The following ARNT2 variants were observed in gnomAD, a reference collection of about 807,000 sequenced individuals.
ARNT2 encodes ARNT protein 2.
In ARNT2, 36 loss-of-function variants were observed where a neutral mutation model predicts 91.7. The observed-to-expected ratio is 0.39, with a 90% CI of 0.30 to 0.52. ARNT2 has a LOEUF of 0.52. Among genes scored for constraint, ARNT2 ranks in the 20% least tolerant of loss-of-function variants. The pLI, the probability that ARNT2 is intolerant of heterozygous loss-of-function variation, is 0.72. For synonymous variants in ARNT2, 365 were observed against 347.1 expected (o/e 1.05, Z -0.57); for missense variants, 775 against 939.3 (o/e 0.83, Z 2.29).
intron 9 of ARNT2, among the ~76,000 whole-genome samples, chr15:80,552,085 T>C (rs1201138028): frequency 1.3e-5 from 2 of 152,208 alleles, no homozygotes; most frequent in East Asian, 3.8e-4. Flanking sequence ...AGAGACATAC[T>C]AGACCTGGTT....
intron 1 of ARNT2, among the ~76,000 whole-genome samples, chr15:80,425,215 T>C (rs1895916425): frequency 6.6e-6 from 1 of 152,192 alleles, no homozygotes; most frequent in Non-Finnish European, 1.5e-5. Flanking sequence ...AGAATACCCT[T>C]TGGAGGATCC....
intron 12 of ARNT2, among the ~76,000 whole-genome samples, chr15:80,571,414 T>C (rs1001909802): frequency 6.6e-6 from 1 of 152,226 alleles, no homozygotes; most frequent in Non-Finnish European, 1.5e-5. Flanking sequence ...TGAGAAAATC[T>C]AGTCTTGCTC....
intron 3 of ARNT2, among the ~76,000 whole-genome samples, chr15:80,467,054 C>T (rs1027928195): frequency 1.7e-4 from 26 of 152,172 alleles, no homozygotes; most frequent in African/African-American, 5.8e-4. Flanking sequence ...AGCAAGTGTG[C>T]GTCAGCCCTG....
intron 1 of ARNT2, among the ~76,000 whole-genome samples, chr15:80,439,247 G>A (rs1896147648): frequency 6.6e-6 from 1 of 152,120 alleles, no homozygotes; most frequent in African/African-American, 2.4e-5. Flanking sequence ...AAGTTCATGT[G>A]GCATGGCTTA....
intron 1 of ARNT2, among the ~76,000 whole-genome samples, chr15:80,431,664 G>A (rs1361292304): frequency 6.6e-6 from 1 of 152,202 alleles, no homozygotes; most frequent in Non-Finnish European, 1.5e-5. Context: ...TGGACCTCCT[G>A]GGCAGGCCCC....
intron 5 of ARNT2, among the ~76,000 whole-genome samples, chr15:80,507,091 A>G (rs1413702963): frequency 1.3e-5 from 2 of 152,194 alleles, no homozygotes; most frequent in Non-Finnish European, 2.9e-5. Context: ...AGATGCAGAG[A>G]GAGGATAAGA....
intron 8 of ARNT2, among the ~76,000 whole-genome samples, chr15:80,533,631 G>A (rs1897776946): frequency 6.6e-6 from 1 of 152,256 alleles, no homozygotes; most frequent in Admixed American, 6.5e-5. Flanking sequence ...CATGGTTTCT[G>A]TGAATTTTTT....
At chr15:80,445,681 C>T (rs941929933) in intron 1 of ARNT2, among the ~76,000 whole-genome samples, 2 of 151,904 alleles carry the variant, frequency 1.3e-5, no homozygotes, top group Non-Finnish European at 2.9e-5. Context: ...CGAGTGGGGT[C>T]TGCACTCCCT....
At chr15:80,590,202 A>C (rs2141488080) in intron 17 of ARNT2, among the ~76,000 whole-genome samples, 1 of 152,290 alleles carries the variant, frequency 6.6e-6, no homozygotes, top group South Asian at 2.1e-4. Context: ...TGGAAAGAGT[A>C]GTATGGGACA....
At chr15:80,445,761 G>A (rs1008372152) in intron 1 of ARNT2, among the ~76,000 whole-genome samples, 3 of 151,972 alleles carry the variant, frequency 2.0e-5, no homozygotes, top group Admixed American at 6.5e-5. Context: ...ACTGGAGGTC[G>A]GAACAGATGG....
At chr15:80,528,595 G>T (rs1041387821) in intron 8 of ARNT2, among the ~76,000 whole-genome samples, 1 of 152,122 alleles carries the variant, frequency 6.6e-6, no homozygotes, top group African/African-American at 2.4e-5. Flanking sequence ...TGGGTCATGG[G>T]AGTGGACCGC....
chr15:80,458,904 C>T (rs1474917715), intron 3 of ARNT2, among the ~76,000 whole-genome samples: 1 of 152,164 alleles, frequency 6.6e-6, no homozygotes, highest in Non-Finnish European at 1.5e-5. Context: ...TATCCATGCT[C>T]CATAGTTTGG....
At chr15:80,452,628 A>G (rs61577817) in intron 2 of ARNT2, among the ~76,000 whole-genome samples, 2,175 of 152,310 alleles carry the variant, frequency 0.014, 50 homozygotes, top group African/African-American at 0.049. Context: ...TGCTTGCCCA[A>G]GTCCTTTTCC....
intron 2 of ARNT2, among the ~76,000 whole-genome samples, chr15:80,453,440 T>C (rs543220464): frequency 6.6e-6 from 1 of 152,358 alleles, no homozygotes; most frequent in East Asian, 1.9e-4. Context: ...AGATGTATCC[T>C]GTGTCTAAGC....
At chr15:80,447,752 T>C (rs1896327361) in intron 1 of ARNT2, among the ~76,000 whole-genome samples, 1 of 152,230 alleles carries the variant, frequency 6.6e-6, no homozygotes, top group African/African-American at 2.4e-5. Flanking sequence ...TCACTTTTGT[T>C]TGAATTTATT....
chr15:80,431,631 C>T (rs2141569410), intron 1 of ARNT2, among the ~76,000 whole-genome samples: 1 of 152,314 alleles, frequency 6.6e-6, no homozygotes, highest in South Asian at 2.1e-4. Context: ...CCACCTTCCT[C>T]TCGTGATTGT....
intron 8 of ARNT2, among the ~76,000 whole-genome samples, chr15:80,528,272 A>C (rs908005881): frequency 1.3e-5 from 2 of 152,168 alleles, no homozygotes; most frequent in Non-Finnish European, 2.9e-5. Context: ...TGAATGCTTA[A>C]GCATTACCCT....
chr15:80,542,831 T>C (rs1281321405), intron 8 of ARNT2, among the ~76,000 whole-genome samples: 5 of 152,124 alleles, frequency 3.3e-5, no homozygotes, highest in African/African-American at 1.2e-4. Flanking sequence ...TTTATGCTGT[T>C]TTCTCTGCTT....
intron 8 of ARNT2, among the ~76,000 whole-genome samples, chr15:80,524,801 G>A (rs1184864296): frequency 2.0e-5 from 3 of 151,816 alleles, no homozygotes; most frequent in African/African-American, 7.3e-5. Context: ...CATGAACCTG[G>A]GAGGCAGAGC....
Sources: gnomAD v4.1 joint callset for allele counts (sites outside exome capture counted in the v4.1 genomes callset) on GRCh38, gnomAD v4.1.1 for gene constraint, MANE v1.5 for transcripts, NCBI Gene and HGNC (gene_info 2026-07-23, HGNC 2026-07-21) for gene names.